Variants in DENR observed in about 807,000 individuals in gnomAD.
DENR encodes the protein density regulated re-initiation and release factor, also known as density-regulated protein.
DENR carries 6 observed loss-of-function variants against 30.6 expected under a neutral mutation model. The observed-to-expected ratio is 0.20, with a 90% confidence interval of 0.11 to 0.39. The LOEUF is 0.39. Ranked by LOEUF, DENR falls within the 10% of genes least tolerant of loss-of-function variation. The pLI is 1.00. For missense variants in DENR, 141 were observed against 230.9 expected (o/e 0.61, Z 2.52); for synonymous variants, 78 against 72.1 (o/e 1.08, Z -0.41).
rs1481507849 is a variant in DENR, at chr12:122,762,924, C to T, written c.206C>T (p.Thr69Ile). 2.0e-6 allele frequency: 3 copies of T among 1,533,896 alleles called. No individual in the cohort carries two copies. Among genetic ancestry groups the T allele is most frequent in the Non-Finnish European group, 2.6e-6 (3 of 1,136,118 alleles). ...KNFPNEFAKL[T>I]VENSPKQEAG... ...TTTCCAAATGAATTTGCAAAACTTA[C>T]TGTAGGTATGAACATTTTTTTTCTT... is the stretch of plus-strand genomic sequence containing the variant. The change falls in exon 4 of 8, where the codon ACT becomes ATT. Residue 69 changes from threonine to isoleucine, a missense_variant. By Grantham distance (89) the Thr-to-Ile change is moderately conservative (BLOSUM62 -1). Transcript: ENST00000280557.
chr12:122,757,977 A>G (rs1878594057), intron 2 of DENR, among the ~76,000 whole-genome samples: 1 of 152,166 alleles, frequency 6.6e-6, no homozygotes, highest in South Asian at 2.1e-4. Flanking sequence ...AAAGTTAGTG[A>G]TTTTGGTGAC....
Position 122,770,391 on chromosome 12 carries a change from G to A in DENR, c.*1313G>A, listed in dbSNP as rs991740385. The A allele has an allele frequency of 2.6e-6, 1 of 382,034 alleles. No individual in the cohort carries two copies. The highest frequency in any genetic ancestry group is 2.1e-5 in the African/African-American group (1 of 48,330). 23.7% of individuals were successfully genotyped at this position (382,034 alleles called of 1,614,324 possible). On this transcript the variant is annotated 3_prime_UTR_variant, in exon 8 of 8. Transcript: ENST00000280557. Reference sequence around the variant, plus strand: ...GAAGCATGTTTGGTAATGTCAAGTGGAGTACCCCAGATACATTTTAGACAT... The same window carrying A: ...GAAGCATGTTTGGTAATGTCAAGTGAAGTACCCCAGATACATTTTAGACAT...
intron 6 of DENR, among the ~76,000 whole-genome samples, chr12:122,768,505 A>T (rs1457515670): frequency 1.3e-5 from 2 of 152,100 alleles, no homozygotes; most frequent in African/African-American, 2.4e-5. Context: ...CTCAAAAAAA[A>T]AAATGAATAA....
rs1878463750 is a variant in DENR, at chr12:122,753,334, C to G, written c.-9-359C>G. ...CTCTCTCCATTCGGCGCCTTTGTAGCCCTTCTCTCACTGCAGTTTGCATCC... is the reference window on the plus strand; with the variant it reads ...CTCTCTCCATTCGGCGCCTTTGTAGGCCTTCTCTCACTGCAGTTTGCATCC... On this transcript the variant is annotated intron_variant, in intron 1 of 7. Coordinates refer to ENST00000280557, the MANE Select transcript of DENR (RefSeq NM_003677.5). Among the ~76,000 whole-genome samples the G allele has an allele frequency of 3.3e-5, 5 of 152,072 alleles. No homozygotes were observed. The South Asian group carries it at 1.0e-3, about 32-fold the overall frequency.
intron 2 of DENR, 59 bp from the exon 3 acceptor site, chr12:122,762,128 G>A (rs1051703226): frequency 2.7e-6 from 3 of 1,128,256 alleles, no homozygotes; most frequent in South Asian, 3.1e-5. Context: ...GATAAGCCCT[G>A]TGTATGTGTG....
At chr12:122,753,620 G>T in intron 1 of DENR, 73 bp from the exon 2 acceptor site, 1 of 1,202,704 alleles carries the variant, frequency 8.3e-7, no homozygotes, top group Non-Finnish European at 1.2e-6. Context: ...GGAGGTTTCT[G>T]TTGAGAGGAA....
chr12:122,760,312 A>G (rs2649903), intron 2 of DENR, among the ~76,000 whole-genome samples: 142,173 of 152,268 alleles, frequency 0.93, 66,527 homozygotes, highest in East Asian at 0.99. Context: ...GCATAGCAAA[A>G]CATTTGGCAC....
chr12:122,765,946 A>C (rs1878836939), intron 5 of DENR, among the ~76,000 whole-genome samples: 1 of 151,810 alleles, frequency 6.6e-6, no homozygotes, highest in South Asian at 2.1e-4. Context: ...TTCTCAAACC[A>C]ACTCCTGGTG....
chr12:122,754,081 C>G (rs1878485291), intron 2 of DENR: 1 of 437,618 alleles, frequency 2.3e-6, no homozygotes, highest in South Asian at 2.4e-5. Context: ...AAGGTGTATG[C>G]TAGTCTAGCT....
At chr12:122,752,981 G>A (rs569631366) in intron 1 of DENR, 31 bp downstream of exon 1, 1 of 152,468 alleles carries the variant, frequency 6.6e-6, no homozygotes, top group African/African-American at 2.4e-5. Flanking sequence ...TCCCGCTCCC[G>A]AGAAGCTCGT....
chr12:122,762,294 A>C (rs1044215584), intron 3 of DENR, 88 bp downstream of exon 3: 11 of 902,076 alleles, frequency 1.2e-5, no homozygotes, highest in Non-Finnish European at 1.8e-5. Flanking sequence ...TTTATTTTTC[A>C]TTTTTGATTA....
In DENR at chr12:122,762,997, A is replaced by G. The variant is rs770851951; in HGVS notation, c.211+68A>G. The G allele has an allele frequency of 4.7e-6, 4 of 844,682 alleles. No homozygotes were observed. The African/African-American group carries it at 6.9e-5, about 15-fold the overall frequency. 52.3% of individuals were successfully genotyped at this position (844,682 alleles called of 1,614,324 possible). A position where few individuals can be genotyped will look rare whatever the true frequency, so the allele number is the denominator to read the frequency against. Reference sequence around the variant, plus strand: ...ACAAATGCATGTATGGCATTATTCTAAAGATAGGAAAGTCCTCCTTTAGTA... The same window carrying G: ...ACAAATGCATGTATGGCATTATTCTGAAGATAGGAAAGTCCTCCTTTAGTA... On this transcript the variant is annotated intron_variant, in intron 4 of 7. Transcript: ENST00000280557.
intron 2 of DENR, among the ~76,000 whole-genome samples, chr12:122,756,345 A>G (rs1006967239): frequency 1.3e-5 from 2 of 152,208 alleles, no homozygotes; most frequent in Non-Finnish European, 2.9e-5. Flanking sequence ...GCTACTCGGG[A>G]GGCTGAGGCA....
chr12:122,756,191 G>A (rs1234702577), intron 2 of DENR, among the ~76,000 whole-genome samples: 1 of 152,202 alleles, frequency 6.6e-6, no homozygotes, highest in African/African-American at 2.4e-5. Context: ...GCTCACACCT[G>A]TAATCCAAGC....
chr12:122,766,483 G>A (rs1044896089), intron 5 of DENR, among the ~76,000 whole-genome samples: 2 of 152,138 alleles, frequency 1.3e-5, no homozygotes, highest in African/African-American at 4.8e-5. Flanking sequence ...CTGCTGCCCA[G>A]TATGCACTTA....
chr12:122,753,697 G>C lies in DENR; in HGVS notation c.-5G>C, dbSNP rs1878474413. On this transcript the variant is annotated 5_prime_UTR_variant, in exon 2 of 8. Transcript: ENST00000280557. Reference sequence around the variant, plus strand: ...TGTTATTTTCCTTGCTTACAGGTTTGTGAAATGGCTGCTGACATTTCTGAA... The same window carrying C: ...TGTTATTTTCCTTGCTTACAGGTTTCTGAAATGGCTGCTGACATTTCTGAA... 6.2e-7 allele frequency: 1 copy of C among 1,612,790 alleles called. No homozygotes were observed. Among genetic ancestry groups the C allele is most frequent in the South Asian group, 1.1e-5 (1 of 91,042 alleles).
At position 122,770,749 on chromosome 12, in the gene DENR, AGT is replaced by A. The variant is rs2135514757; in HGVS notation, c.*1674_*1675del. ...GCCATGCAAATTACAATCTTGAATG[AGT>A]GTTTTTTAAAAATAAAGTATTAGAA... On this transcript the variant is annotated 3_prime_UTR_variant, in exon 8 of 8. Coordinates refer to ENST00000280557, the MANE Select transcript of DENR (RefSeq NM_003677.5). 1 of 398,528 alleles carries A rather than the reference AGT, an allele frequency of 2.5e-6. No homozygotes were observed. The highest frequency in any genetic ancestry group is 4.4e-6 in the Non-Finnish European group (1 of 226,034). 24.7% of individuals were successfully genotyped at this position (398,528 alleles called of 1,614,324 possible).
chr12:122,767,534 G>A lies in DENR; in HGVS notation c.342G>A (p.Lys114=), dbSNP rs1251813352. ...AAAAAAAGAAGACCGTACCACAAAA[G>A]GTTACTATAGCCAAAATTCCCAGAG... ...IKQKKKTVPQ[K]VTIAKIPRAK... Residue 114 remains lysine, a synonymous_variant, in exon 6 of 8, where the codon AAG becomes AAA. Coordinates refer to ENST00000280557, the MANE Select transcript of DENR (RefSeq NM_003677.5). The A allele has an allele frequency of 9.4e-6, 15 of 1,597,464 alleles. No homozygotes were observed. Among genetic ancestry groups the A allele is most frequent in the African/African-American group, 2.7e-5 (2 of 74,530 alleles).
chr12:122,753,747 G>A lies in DENR; in HGVS notation c.46G>A (p.Asp16Asn). Residue 16 changes from aspartate (D) to asparagine (N), a missense_variant, in exon 2 of 8, where the codon GAC (aspartate) becomes AAC (asparagine). Around this residue, in one of 2 missense-constraint regions of DENR, gnomAD observed 104 missense variants for 138.3 expected, o/e 0.75. Transcript: ENST00000280557. ...ATCCAGCGGGGCTGACTGCAAAGGA[G>A]ACCCAAGGAACAGTGCCAAGTTAGA... ...SESSGADCKG[D>N]PRNSAKLDAD... is the part of the protein sequence containing the mutation. 6.2e-7 allele frequency: 1 copy of A among 1,614,040 alleles called. No individual in the cohort carries two copies. Among genetic ancestry groups the A allele is most frequent in the Non-Finnish European group, 8.5e-7 (1 of 1,179,890 alleles).
Sources: allele counts gnomAD v4.1 joint callset (sites outside exome capture counted in the v4.1 genomes callset), GRCh38; gene constraint gnomAD v4.1.1; regional missense constraint gnomAD v4.1.1; transcripts MANE v1.5; gene names NCBI Gene and HGNC (gene_info 2026-07-23, HGNC 2026-07-21).